The following RBFOX1 variants were observed in gnomAD, a reference collection of about 807,000 sequenced individuals.
The protein encoded by RBFOX1 is RNA binding fox-1 homolog 1.
A neutral mutation model predicts 57.7 loss-of-function variants in RBFOX1; 8 were observed. The ratio of observed to expected loss-of-function variants is 0.14; its 90% CI spans 0.08 to 0.25. The LOEUF (loss-of-function observed/expected upper bound fraction) is 0.25, where lower values mean the gene tolerates loss of function less well. Among genes scored for constraint, RBFOX1 ranks in the 10% least tolerant of loss-of-function variants. RBFOX1 has a pLI of 1.00. For synonymous variants in RBFOX1, 326 were observed against 222.4 expected (o/e 1.47, Z -4.15); for missense variants, 611 against 548.5 (o/e 1.11, Z -1.14).
At chr16:6,082,894 C>T (rs138198386) in intron 1 of RBFOX1, among the ~76,000 whole-genome samples, 2 of 152,282 alleles carry the variant, frequency 1.3e-5, no homozygotes, top group East Asian at 3.9e-4. Context: ...ATCACGGAGC[C>T]TAGCCCATAG....
chr16:6,700,299 A>C (rs577223307), intron 3 of RBFOX1, among the ~76,000 whole-genome samples: 11 of 152,158 alleles, frequency 7.2e-5, no homozygotes, highest in Non-Finnish European at 1.6e-4. Flanking sequence ...ATGAAAAATA[A>C]CAGTATAACA....
At chr16:6,373,698 G>C (rs1159029853) in intron 2 of RBFOX1, among the ~76,000 whole-genome samples, 1 of 152,072 alleles carries the variant, frequency 6.6e-6, no homozygotes, top group Non-Finnish European at 1.5e-5. Context: ...TCATGCAAGA[G>C]CATTTGGGTT....
chr16:7,184,390 G>A (rs1283970056), intron 4 of RBFOX1, among the ~76,000 whole-genome samples: 1 of 152,204 alleles, frequency 6.6e-6, no homozygotes, highest in East Asian at 1.9e-4. Flanking sequence ...TTTAGTAGAA[G>A]TCTAGGGGAT....
intron 4 of RBFOX1, among the ~76,000 whole-genome samples, chr16:7,096,377 C>T (rs1242411172): frequency 6.6e-6 from 1 of 152,150 alleles, no homozygotes; most frequent in Non-Finnish European, 1.5e-5. Context: ...TTTCTCGGAC[C>T]TATTTTTCTC....
At chr16:6,575,258 A>C (rs190225367) in intron 2 of RBFOX1, among the ~76,000 whole-genome samples, 1 of 152,164 alleles carries the variant, frequency 6.6e-6, no homozygotes, top group African/African-American at 2.4e-5. Context: ...CCTAGTGTCT[A>C]AAGGCAATGA....
intron 3 of RBFOX1, among the ~76,000 whole-genome samples, chr16:5,707,872 C>T (rs1232847373): frequency 6.6e-6 from 1 of 152,152 alleles, no homozygotes; most frequent in Non-Finnish European, 1.5e-5. Context: ...ATCAGACAGA[C>T]TTGGGTTCAG....
chr16:6,104,363 C>A (rs749805033), intron 1 of RBFOX1, among the ~76,000 whole-genome samples: 11 of 152,020 alleles, frequency 7.2e-5, no homozygotes, highest in Non-Finnish European at 1.3e-4. Context: ...TACCTTCTTC[C>A]AAGAGTCAAG....
intron 4 of RBFOX1, among the ~76,000 whole-genome samples, chr16:5,900,931 G>A (rs1040764079): frequency 9.2e-5 from 14 of 152,176 alleles, no homozygotes; most frequent in Non-Finnish European, 1.9e-4. Context: ...CTTTCCCTTG[G>A]GAGAGACTGA....
At chr16:6,704,413 T>G (rs2062364727) in intron 3 of RBFOX1, 1 of 152,276 alleles carries the variant, frequency 6.6e-6, no homozygotes, top group South Asian at 2.1e-4. Flanking sequence ...GTCCTGAGCT[T>G]GCTGCTCACC....
chr16:5,457,454 G>A (rs1001395710), intron 1 of RBFOX1, among the ~76,000 whole-genome samples: 1 of 152,112 alleles, frequency 6.6e-6, no homozygotes. Context: ...CTTTTTATAA[G>A]AGCACTAATC....
chr16:6,382,667 C>T (rs2091922905), intron 2 of RBFOX1, among the ~76,000 whole-genome samples: 1 of 152,098 alleles, frequency 6.6e-6, no homozygotes, highest in South Asian at 2.1e-4. Context: ...CTAGAGCAGC[C>T]TGGTCAACCT....
intron 3 of RBFOX1, among the ~76,000 whole-genome samples, chr16:6,655,934 A>T (rs747470241): frequency 1.3e-5 from 2 of 152,208 alleles, no homozygotes; most frequent in African/African-American, 2.4e-5. Flanking sequence ...GTTGCCACAC[A>T]TTATTTTAGG....
chr16:5,515,503 C>T (rs1194136329), intron 2 of RBFOX1, among the ~76,000 whole-genome samples: 1 of 152,214 alleles, frequency 6.6e-6, no homozygotes, highest in Non-Finnish European at 1.5e-5. Context: ...GTTCCCCAGG[C>T]ACTAAAATCA....
At chr16:5,776,548 C>T (rs1397440053) in intron 3 of RBFOX1, among the ~76,000 whole-genome samples, 1 of 152,222 alleles carries the variant, frequency 6.6e-6, no homozygotes, top group Non-Finnish European at 1.5e-5. Context: ...GCCCACTAGT[C>T]TGCACCACGT....
chr16:5,891,010 A>G (rs777203372), intron 4 of RBFOX1, among the ~76,000 whole-genome samples: 1 of 152,200 alleles, frequency 6.6e-6, no homozygotes, highest in Non-Finnish European at 1.5e-5. Context: ...CTCATCTGGT[A>G]GGAGCATTTG....
At chr16:6,076,663 A>G (rs1374012576) in intron 1 of RBFOX1, among the ~76,000 whole-genome samples, 1 of 152,120 alleles carries the variant, frequency 6.6e-6, no homozygotes, top group East Asian at 1.9e-4. Flanking sequence ...ATGTATAAGG[A>G]AGAACACAAC....
At chr16:5,716,607 G>A (rs2151521096) in intron 3 of RBFOX1, among the ~76,000 whole-genome samples, 1 of 152,380 alleles carries the variant, frequency 6.6e-6, no homozygotes, top group Non-Finnish European at 1.5e-5. Flanking sequence ...GCTGTTGGTA[G>A]GAGGATTGTA....
chr16:6,922,878 T>G (rs1001647607), intron 3 of RBFOX1, among the ~76,000 whole-genome samples: 3 of 152,174 alleles, frequency 2.0e-5, no homozygotes, highest in African/African-American at 7.2e-5. Context: ...AGGTGTACCT[T>G]GGGAAGTCTT....
At chr16:7,525,680 G>A (rs2078544870) in intron 5 of RBFOX1, among the ~76,000 whole-genome samples, 1 of 152,128 alleles carries the variant, frequency 6.6e-6, no homozygotes. Flanking sequence ...GAATTGTTGG[G>A]TGTCCTGGAG....
Sources: gnomAD v4.1 joint callset for allele counts (sites outside exome capture counted in the v4.1 genomes callset) on GRCh38, gnomAD v4.1.1 for gene constraint, MANE v1.5 for transcripts, NCBI Gene and HGNC (gene_info 2026-07-23, HGNC 2026-07-21) for gene names.